Variants in PPL observed in about 807,000 individuals in gnomAD.
PPL encodes 190 kDa paraneoplastic pemphigus antigen.
PPL carries 198 observed loss-of-function variants against 194.4 expected under a neutral mutation model. The ratio of observed to expected loss-of-function variants is 1.02; its 90% CI spans 0.91 to 1.15. The LOEUF (loss-of-function observed/expected upper bound fraction) is 1.15. Among genes scored for constraint, PPL ranks in the 50% most tolerant of loss-of-function variants. PPL has a pLI of 0.00. For missense variants in PPL, 2,885 were observed against 2,294.8 expected (o/e 1.26, Z -5.25); for synonymous variants, 1,220 against 972.4 (o/e 1.25, Z -4.74).
At chr16:4,893,996 CT>C (rs2088370244) in intron 12 of PPL, among the ~76,000 whole-genome samples, 1 of 152,194 alleles carries the variant, frequency 6.6e-6, no homozygotes, top group African/African-American at 2.4e-5. Context: ...TGGGCACCTA[CT>C]TTGTACCAGG....
chr16:4,890,680 A>G, intron 17 of PPL, 48 bp downstream of exon 17: 1 of 1,548,086 alleles, frequency 6.5e-7, no homozygotes, highest in Non-Finnish European at 8.7e-7. Flanking sequence ...AGGGAATTAG[A>G]TCGCATTCTC....
Position 4,884,291 on chromosome 16 carries a change from T to C in PPL, c.4364A>G (p.Gln1455Arg). ...TCGGAGCAGGGCATGCTCTCGCGCC[T>C]GCTGCGGGTCCTGCTGCAGCACCAC... ...QKVVLQQDPQQAREHALLRLQ... is the reference protein window; with the variant it reads ...QKVVLQQDPQRAREHALLRLQ... The change falls in exon 22 of 22, where the codon CAG becomes CGG. Residue 1455 changes from glutamine to arginine, a missense_variant. Physicochemically the swap from Gln to Arg is conservative, Grantham distance 43. Transcript: ENST00000345988. This position sits in a 1 kb window ranked among gnomAD's most constrained non-coding sequence, Gnocchi z 5.7. 4 of 1,611,194 alleles carry C rather than the reference T, an allele frequency of 2.5e-6. No homozygotes were observed. The highest frequency in any genetic ancestry group is 3.4e-6 in the Non-Finnish European group (4 of 1,178,214).
rs1229472980 is a variant in PPL at position 4,883,244 on chromosome 16, A to G, written c.*140T>C. ...AGTGCCTGTCTCATATGTGGGCGGG[A>G]CTCTGAGCAGCCTGGCAGCGAGGGT... On this transcript the variant is annotated 3_prime_UTR_variant, in exon 22 of 22. Coordinates refer to ENST00000345988, the MANE Select transcript of PPL (RefSeq NM_002705.5). The surrounding 1 kb of genome is among the most constrained non-coding windows in gnomAD (Gnocchi z 4.8). 8.5e-7 allele frequency: 1 copy of G among 1,174,742 alleles called. No individual in the cohort carries two copies. Among genetic ancestry groups the G allele is most frequent in the Non-Finnish European group, 1.2e-6 (1 of 829,162 alleles). 72.8% of individuals were successfully genotyped at this position (1,174,742 alleles called of 1,614,324 possible).
At chr16:4,896,094 T>G (rs2088422145) in intron 9 of PPL, among the ~76,000 whole-genome samples, 1 of 152,224 alleles carries the variant, frequency 6.6e-6, no homozygotes, top group African/African-American at 2.4e-5. Flanking sequence ...CTCCCCTTTT[T>G]GTTCTCGAAA....
chr16:4,913,645 C>T (rs373421185), intron 1 of PPL, among the ~76,000 whole-genome samples: 2 of 152,176 alleles, frequency 1.3e-5, no homozygotes, highest in African/African-American at 2.4e-5. Context: ...TCAAGTGATT[C>T]GGCTGCCTCA....
intron 2 of PPL, among the ~76,000 whole-genome samples, chr16:4,907,849 G>T (rs1173620352): frequency 6.6e-6 from 1 of 151,956 alleles, no homozygotes; most frequent in East Asian, 1.9e-4. Context: ...TTTTTCAAGT[G>T]GGTTCAGTTG....
intron 1 of PPL, among the ~76,000 whole-genome samples, chr16:4,911,883 C>T (rs1365492464): frequency 6.6e-6 from 1 of 152,072 alleles, no homozygotes; most frequent in Non-Finnish European, 1.5e-5. Flanking sequence ...GTCACCCAGA[C>T]TGGAGTGCAG....
Position 4,899,017 on chromosome 16 carries a change from A to T in PPL, c.872T>A (p.Ile291Asn), listed in dbSNP as rs536448123. Reference protein sequence around the residue: ...LAAEHPGRNSIEAHMEAVHAD... With the variant: ...LAAEHPGRNSNEAHMEAVHAD... ...CTGGTCTCGGGGTGCATGAACCTCAATGGAGTTCCTCCCGGGGTGCTCGGC... is the reference window on the plus strand; with the variant it reads ...CTGGTCTCGGGGTGCATGAACCTCATTGGAGTTCCTCCCGGGGTGCTCGGC... The change falls in exon 8 of 22, where the codon ATT becomes AAT. Residue 291 changes from isoleucine (I) to asparagine (N), a missense_variant. By Grantham distance (149) the Ile-to-Asn change is moderately radical. Coordinates refer to ENST00000345988, the MANE Select transcript of PPL (RefSeq NM_002705.5). 1 of 1,613,356 alleles carries T rather than the reference A, an allele frequency of 6.2e-7. No homozygotes were observed. Among genetic ancestry groups the T allele is most frequent in the South Asian group, 1.1e-5 (1 of 91,066 alleles).
intron 16 of PPL, among the ~76,000 whole-genome samples, chr16:4,891,275 G>A (rs1288729760): frequency 6.6e-6 from 1 of 152,134 alleles, no homozygotes; most frequent in African/African-American, 2.4e-5. Flanking sequence ...TGTTTCCTGT[G>A]CTCAGGCAGT....
At position 4,888,084 on chromosome 16, in the gene PPL, C is replaced by T; in HGVS notation, c.2514+18G>A. Reference sequence around the variant, plus strand: ...GCCTCCACCTCAGTCCCGAGGCCGCCTGGCCCATGGAACTCACCTCTTCCT... The same window carrying T: ...GCCTCCACCTCAGTCCCGAGGCCGCTTGGCCCATGGAACTCACCTCTTCCT... On this transcript the variant is annotated intron_variant, in intron 20 of 21. Coordinates refer to ENST00000345988, the MANE Select transcript of PPL (RefSeq NM_002705.5). 1 of 1,591,752 alleles carries T rather than the reference C, an allele frequency of 6.3e-7. No homozygotes were observed.
chr16:4,934,752 C>G (rs573584077), intron 1 of PPL, among the ~76,000 whole-genome samples: 4 of 152,198 alleles, frequency 2.6e-5, no homozygotes, highest in Non-Finnish European at 4.4e-5. Context: ...TCCACCCCCC[C>G]ACCAAGACAC....
chr16:4,898,316 T>G (rs1306822118), intron 8 of PPL, among the ~76,000 whole-genome samples: 1 of 152,120 alleles, frequency 6.6e-6, no homozygotes. Flanking sequence ...AGGTGGAGGT[T>G]GCAGTGAGCC....
At chr16:4,935,749 G>A (rs182168023) in intron 1 of PPL, among the ~76,000 whole-genome samples, 2 of 152,230 alleles carry the variant, frequency 1.3e-5, no homozygotes, top group South Asian at 2.1e-4. Context: ...GCACCTGTCC[G>A]ACTGGTCGGC....
chr16:4,888,517 T>C (rs1294969967), intron 19 of PPL, among the ~76,000 whole-genome samples: 1 of 152,218 alleles, frequency 6.6e-6, no homozygotes, highest in African/African-American at 2.4e-5. Flanking sequence ...GCTGCTGCTT[T>C]TAACATCGTA....
At chr16:4,889,279 C>G (rs1165331307) in intron 18 of PPL, among the ~76,000 whole-genome samples, 1 of 79,592 alleles carries the variant, frequency 1.3e-5, no homozygotes, top group African/African-American at 4.6e-5. Flanking sequence ...TTTTTTGAGA[C>G]AGTCTCACTG....
chr16:4,886,170 G>T, intron 21 of PPL, 123 bp from the exon 22 acceptor site: 1 of 1,215,612 alleles, frequency 8.2e-7, no homozygotes, highest in Non-Finnish European at 1.2e-6. Flanking sequence ...GCCAGTTCAT[G>T]TTAGTTGTAG....
chr16:4,924,761 C>G (rs1216318653), intron 1 of PPL, among the ~76,000 whole-genome samples: 5 of 152,250 alleles, frequency 3.3e-5, no homozygotes, highest in African/African-American at 1.2e-4. Context: ...CCCCTGCAAC[C>G]CTGTCCATAG....
intron 2 of PPL, 126 bp downstream of exon 2, chr16:4,910,724 C>G (rs1596568683): frequency 1.2e-6 from 1 of 840,786 alleles, no homozygotes; most frequent in Non-Finnish European, 2.0e-6. Context: ...ACCAAAATGT[C>G]TCTGCATGTT....
At chr16:4,896,161 G>C (rs1411693714) in intron 9 of PPL, among the ~76,000 whole-genome samples, 1 of 151,974 alleles carries the variant, frequency 6.6e-6, no homozygotes, top group African/African-American at 2.4e-5. Context: ...GCTATCCCCT[G>C]GGCTGAGCAC....
Sources: allele counts gnomAD v4.1 joint callset (sites outside exome capture counted in the v4.1 genomes callset), GRCh38; gene constraint gnomAD v4.1.1; non-coding constraint Gnocchi (gnomAD v3.1); transcripts MANE v1.5; gene names NCBI Gene and HGNC (gene_info 2026-07-23, HGNC 2026-07-21).